Variants in EZR observed in about 807,000 individuals in gnomAD.
The protein encoded by EZR is ezrin, also known as cytovillin 2.
In EZR, 40 loss-of-function variants were observed where a neutral mutation model predicts 74.8. The ratio of observed to expected loss-of-function variants is 0.53; its 90% confidence interval spans 0.42 to 0.70. EZR has a LOEUF of 0.70. Ranked by LOEUF, EZR falls within the 30% of genes least tolerant of loss-of-function variation. The pLI is 0.00. For missense variants in EZR, 678 were observed against 755.8 expected (o/e 0.90, Z 1.21); for synonymous variants, 341 against 283.3 (o/e 1.20, Z -2.05).
chr6:158,792,781 C>T (rs564790309), intron 2 of EZR, among the ~76,000 whole-genome samples: 1 of 150,422 alleles, frequency 6.6e-6, no homozygotes, highest in East Asian at 1.9e-4. Flanking sequence ...GGCCACTGCA[C>T]TCCAGCCTGG....
In EZR at chr6:158,769,767, A is replaced by T. The variant is rs1583554581; in HGVS notation, c.1251+17T>A. ...CCTCTCTATAATTCAGCATCTTGAAACTCAGGCCATTCCTACCAGCTGCTC... is the reference window on the plus strand; with the variant it reads ...CCTCTCTATAATTCAGCATCTTGAATCTCAGGCCATTCCTACCAGCTGCTC... On this transcript the variant is annotated intron_variant, in intron 11 of 13. Transcript: ENST00000367075. 1 of 1,613,062 alleles carries T rather than the reference A, an allele frequency of 6.2e-7. No individual in the cohort carries two copies. Among genetic ancestry groups the T allele is most frequent in the South Asian group, 1.1e-5 (1 of 91,068 alleles).
rs1200590104 is a variant in EZR, at chr6:158,770,761, G to T, written c.1090+3C>A. The stretch of plus-strand genomic sequence containing the variant: ...GTAGAGTGCCAGCCCCAGGGCGCCT[G>T]ACCTCTCTCTGCCTTCTTTGTCTTC... On this transcript the variant is annotated splice_donor_region_variant and intron_variant, in intron 10 of 13. Transcript: ENST00000367075. The T allele has an allele frequency of 6.2e-7, 1 of 1,614,122 alleles. No homozygotes were observed.
At chr6:158,804,852 C>T (rs943707132) in intron 2 of EZR, among the ~76,000 whole-genome samples, 13 of 150,374 alleles carry the variant, frequency 8.6e-5, no homozygotes, top group African/African-American at 2.5e-4. Flanking sequence ...CATGCTGGTG[C>T]GCTGCACCCA....
intron 2 of EZR, among the ~76,000 whole-genome samples, chr6:158,793,323 C>G (rs995534304): frequency 2.6e-5 from 4 of 151,872 alleles, no homozygotes; most frequent in Non-Finnish European, 5.9e-5. Context: ...ATCCATTGGC[C>G]CTGTTAAAAG....
chr6:158,785,194 G>A (rs1791541290), intron 5 of EZR, 115 bp downstream of exon 5: 3 of 1,301,414 alleles, frequency 2.3e-6, no homozygotes, highest in South Asian at 2.8e-5. Context: ...GCATGAAGGA[G>A]CACTTGACAC....
chr6:158,767,001 C>T lies in EZR; in HGVS notation c.1674G>A (p.Met558Ile). The stretch of plus-strand genomic sequence containing the variant: ...TCTTGTACTTGTCCCGGCCTTGCCT[C>T]ATGTTCTCGTTGTGGATGATGTCAT... The part of the protein sequence containing the change: ...THNDIIHNEN[M>I]RQGRDKYKTL... The change falls in exon 14 of 14, where the codon ATG becomes ATA. Residue 558 changes from methionine (M) to isoleucine (I), a missense_variant. Transcript: ENST00000367075. The T allele has an allele frequency of 6.2e-7, 1 of 1,614,228 alleles. No individual in the cohort carries two copies. The highest frequency in any genetic ancestry group is 1.1e-5 in the South Asian group (1 of 91,084).
intron 2 of EZR, among the ~76,000 whole-genome samples, chr6:158,792,840 A>G (rs530721655): frequency 6.7e-5 from 10 of 148,450 alleles, no homozygotes; most frequent in Admixed American, 4.7e-4. Flanking sequence ...TAAGCTACTG[A>G]GAAGTTCTGC....
intron 7 of EZR, among the ~76,000 whole-genome samples, chr6:158,783,230 G>GA (rs1791478121): frequency 1.7e-5 from 2 of 117,482 alleles, no homozygotes; most frequent in Admixed American, 1.5e-4. Flanking sequence ...CAGCTGGGGT[G>GA]GAATCTCAGA....
rs1181950579 is a variant in EZR, at chr6:158,769,606, C to CT, written c.1251+177dup. On this transcript the variant is annotated intron_variant, in intron 11 of 13. Transcript: ENST00000367075. Reference sequence around the variant, plus strand: ...TCTCTTCCTGGATGCCCACACCCACCTTCAATGGGTGACCCTGGCAACAGC... The same window carrying CT: ...TCTCTTCCTGGATGCCCACACCCACCTTTCAATGGGTGACCCTGGCAACAGC... Among the ~76,000 whole-genome samples the CT allele has an allele frequency of 3.3e-5, 5 of 152,358 alleles. No homozygotes were observed. The East Asian group carries it at 9.6e-4, about 29-fold the overall frequency.
intron 2 of EZR, among the ~76,000 whole-genome samples, chr6:158,813,821 A>G (rs981473133): frequency 5.3e-5 from 8 of 152,238 alleles, no homozygotes; most frequent in Non-Finnish European, 1.2e-4. Context: ...GATGTGTTGG[A>G]GCCACTTAAA....
intron 8 of EZR, among the ~76,000 whole-genome samples, chr6:158,774,003 A>G (rs1256856816): frequency 2.4e-4 from 37 of 152,250 alleles, no homozygotes; most frequent in Non-Finnish European, 1.5e-5. Context: ...TGGCTTTTAA[A>G]AAGGAGACGC....
intron 13 of EZR, 55 bp downstream of exon 13, chr6:158,767,206 T>C: frequency 3.8e-6 from 6 of 1,585,902 alleles, no homozygotes; most frequent in Non-Finnish European, 5.2e-6. Context: ...TCCCCAAGCC[T>C]GTCTGCTCCA....
At chr6:158,795,006 T>C (rs960778404) in intron 2 of EZR, among the ~76,000 whole-genome samples, 2 of 152,176 alleles carry the variant, frequency 1.3e-5, no homozygotes, top group South Asian at 2.1e-4. Flanking sequence ...ATCACAGCAC[T>C]CTGGGGGGCC....
intron 2 of EZR, among the ~76,000 whole-genome samples, chr6:158,810,935 T>TG (rs781328072): frequency 1.4e-4 from 21 of 152,238 alleles, no homozygotes; most frequent in Non-Finnish European, 2.8e-4. Context: ...GGTTCACAGA[T>TG]GCTAAATGGC....
At chr6:158,778,967 C>A (rs2128568311) in intron 7 of EZR, among the ~76,000 whole-genome samples, 1 of 152,258 alleles carries the variant, frequency 6.6e-6, no homozygotes, top group Non-Finnish European at 1.5e-5. Flanking sequence ...ACAGTAATCT[C>A]ATCAATGGTA....
chr6:158,803,474 T>C (rs1469429309), intron 2 of EZR, among the ~76,000 whole-genome samples: 10 of 146,020 alleles, frequency 6.8e-5, no homozygotes, highest in African/African-American at 2.3e-4. Context: ...CCAATGGTTT[T>C]ATGCTTTTGA....
intron 8 of EZR, among the ~76,000 whole-genome samples, chr6:158,773,964 CTG>C (rs1791193724): frequency 6.6e-6 from 1 of 152,178 alleles, no homozygotes; most frequent in Admixed American, 6.5e-5. Context: ...CCCCAAACTG[CTG>C]TATGCACCTT....
chr6:158,771,550 T>C, intron 8 of EZR, 143 bp from the exon 9 acceptor site: 2 of 853,190 alleles, frequency 2.3e-6, no homozygotes, highest in East Asian at 2.7e-5. Context: ...ACTAGGAATG[T>C]GCATTCTCCA....
rs117954305 is a variant in EZR, at chr6:158,774,915, T to C, written c.795+1493A>G. 8.6e-3 allele frequency among the ~76,000 whole-genome samples: 1,311 copies of C among 152,176 alleles called. 20 individuals carry two copies. The highest frequency in any genetic ancestry group is 6.9e-3 in the Non-Finnish European group (472 of 68,008). ...CGCTATGACCCTCCATTCATGCTGT[T>C]GCATAATATGAACTGCTGCCATGGA... On this transcript the variant is annotated intron_variant, in intron 8 of 13. Coordinates refer to ENST00000367075, the MANE Select transcript of EZR (RefSeq NM_001111077.2).
Sources: gnomAD v4.1 joint callset for allele counts (sites outside exome capture counted in the v4.1 genomes callset) on GRCh38, gnomAD v4.1.1 for gene constraint, MANE v1.5 for transcripts, NCBI Gene and HGNC (gene_info 2026-07-23, HGNC 2026-07-21) for gene names.